Variants in MFAP4 observed in about 807,000 individuals in gnomAD.
The protein encoded by MFAP4 is microfibril-associated glycoprotein 4.
MFAP4 carries 20 observed loss-of-function variants against 32.4 expected under a neutral mutation model. That is an observed-to-expected ratio of 0.62 (90% confidence interval 0.43 to 0.90). The LOEUF is 0.90. Among genes scored for constraint, MFAP4 ranks in the 40% least tolerant of loss-of-function variants. The pLI, the probability that MFAP4 is intolerant of heterozygous loss-of-function variation, is 0.00. For synonymous variants in MFAP4, 146 were observed against 137.4 expected, an observed-to-expected ratio of 1.06 and a Z score of -0.44; for missense variants, 267 against 329.5, an observed-to-expected ratio of 0.81 and a Z score of 1.47.
chr17:19,386,996 C>CCCAAAA, intron 1 of MFAP4, 154 bp downstream of exon 1: 2 of 1,177,470 alleles, frequency 1.7e-6, no homozygotes, highest in Admixed American at 2.2e-5. Flanking sequence ...CCCCGCCCGC[C>CCCAAAA]AAGTAACCCC....
In MFAP4 at chr17:19,384,089, G is replaced by C. The variant is rs1217032376; in HGVS notation, c.*373C>G. On this transcript the variant is annotated 3_prime_UTR_variant, in exon 6 of 6. Coordinates refer to ENST00000299610, the MANE Select transcript of MFAP4 (RefSeq NM_002404.3). ...TGGCCCAGACAGGGGTCCACAGTGA[G>C]GAAGCAGGACAAGATGGACCACAAA... 1 of 307,528 alleles carries C rather than the reference G, an allele frequency of 3.3e-6. No homozygotes were observed. The highest frequency in any genetic ancestry group is 4.4e-5 in the Admixed American group (1 of 22,514). The allele number at this position is 307,528 out of a possible 1,614,324, so 19.0% of individuals were successfully genotyped here. A position where few individuals can be genotyped will look rare whatever the true frequency, so the allele number is the denominator to read the frequency against.
rs771247712 is a variant in MFAP4, at chr17:19,386,855, A to G, written c.7-17T>C. ...CAGGAGTGCCTGGCGATGGGCAGAC[A>G]GGGTCAGCACAGCCCCTTCCCAGCT... is the stretch of plus-strand genomic sequence containing the variant. On this transcript the variant is annotated splice_polypyrimidine_tract_variant and intron_variant, in intron 1 of 5. Coordinates refer to ENST00000299610, the MANE Select transcript of MFAP4 (RefSeq NM_002404.3). The G allele has an allele frequency of 2.2e-5, 34 of 1,554,340 alleles. No homozygotes were observed. In the African/African-American group the frequency reaches 2.5e-4, roughly 11 times the overall value.
At chr17:19,386,975 C>T (rs1913062834) in intron 1 of MFAP4, 137 bp from the exon 2 acceptor site, 8 of 871,538 alleles carry the variant, frequency 9.2e-6, no homozygotes, top group African/African-American at 3.4e-5. Flanking sequence ...CCCCTCTTCC[C>T]TGCCCCCCCA....
chr17:19,385,575 TG>T, intron 3 of MFAP4, 121 bp from the exon 4 acceptor site: 2 of 467,222 alleles, frequency 4.3e-6, no homozygotes, highest in Non-Finnish European at 8.2e-6. Context: ...AGGACTGGGT[TG>T]GGGGTGGGGA....
At position 19,384,376 on chromosome 17, in the gene MFAP4, GAAGCA is replaced by G. The variant is rs1912942227; in HGVS notation, c.*81_*85del. 6.9e-7 allele frequency: 1 copy of G among 1,454,208 alleles called. No homozygotes were observed. The highest frequency in any genetic ancestry group is 9.3e-7 in the Non-Finnish European group (1 of 1,081,030). The allele number at this position is 1,454,208 out of a possible 1,614,324, so 90.1% of individuals were successfully genotyped here. ...AGGAGTTGGTGCTCGGGAATCAGCA[GAAGCA>G]TGCATCAGGGGCAGCAGAGGGAGCA... is the stretch of plus-strand genomic sequence containing the variant. On this transcript the variant is annotated 3_prime_UTR_variant, in exon 6 of 6. Transcript: ENST00000299610.
At position 19,386,790 on chromosome 17, in the gene MFAP4, C is replaced by T; in HGVS notation, c.55G>A (p.Ala19Thr). ...LLLLLSTPPC[A>T]PQVSGIRGDA... ...CCTCGGATCCCGGAGACCTGGGGGGCACACGGGGGCGTGGAGAGAAGCAGC... is the reference window on the plus strand; with the variant it reads ...CCTCGGATCCCGGAGACCTGGGGGGTACACGGGGGCGTGGAGAGAAGCAGC... The change falls in exon 2 of 6, where the codon GCC becomes ACC. Residue 19 changes from alanine to threonine, a missense_variant. Ala to Thr is a moderately conservative substitution (Grantham distance 58). Transcript: ENST00000299610. 1.3e-6 allele frequency: 2 copies of T among 1,577,518 alleles called. No individual in the cohort carries two copies. The highest frequency in any genetic ancestry group is 2.3e-5 in the East Asian group (1 of 42,962).
At chr17:19,384,823 TG>T in intron 5 of MFAP4, 114 bp from the exon 6 acceptor site, 1 of 1,412,054 alleles carries the variant, frequency 7.1e-7, no homozygotes, top group Non-Finnish European at 9.8e-7. Context: ...CCTGGCGGGA[TG>T]GGGGCACCCT....
At position 19,385,483 on chromosome 17, in the gene MFAP4, T is replaced by A. The variant is rs769967815; in HGVS notation, c.241-29A>T. On this transcript the variant is annotated intron_variant, in intron 3 of 5. Coordinates refer to ENST00000299610, the MANE Select transcript of MFAP4 (RefSeq NM_002404.3). The stretch of plus-strand genomic sequence containing the variant: ...GAGCAGAGAAGATGAGACTGGATCA[T>A]CAAGGGTCCAATGGGCAAGGTTCTG... 44 of 1,604,720 alleles carry A rather than the reference T, an allele frequency of 2.7e-5. No homozygotes were observed. The Admixed American group carries it at 7.2e-4, about 26-fold the overall frequency.
chr17:19,386,444 G>A lies in MFAP4; in HGVS notation c.106C>T (p.Gln36Ter). 6.2e-7 allele frequency: 1 copy of A among 1,613,438 alleles called. No homozygotes were observed. Among genetic ancestry groups the A allele is most frequent in the Non-Finnish European group, 8.5e-7 (1 of 1,179,720 alleles). Residue 36 changes from glutamine to a stop codon, truncating the protein, a stop_gained, in exon 3 of 6, where the codon CAG becomes TAG. Transcript: ENST00000299610. LOFTEE classifies it high-confidence loss of function. ...RGDALERFCL[Q>*]QPLDCDDIYA... ...ATGTCGTCACAGTCCAGGGGTTGCTGAAGGCAAAACCTCTCCAGAGCTGGG... is the reference window on the plus strand; with the variant it reads ...ATGTCGTCACAGTCCAGGGGTTGCTAAAGGCAAAACCTCTCCAGAGCTGGG...
chr17:19,387,179 C>G lies in MFAP4; in HGVS notation c.-24G>C. On this transcript the variant is annotated 5_prime_UTR_variant, in exon 1 of 6. Coordinates refer to ENST00000299610, the MANE Select transcript of MFAP4 (RefSeq NM_002404.3). ...ATGCTGTCAGTTCTGCTCAGAGTGG[C>G]TGGGTGTCTGCGGCCCCAGACTGCA... 2 of 1,549,558 alleles carry G rather than the reference C, an allele frequency of 1.3e-6. No homozygotes were observed. Among genetic ancestry groups the G allele is most frequent in the Non-Finnish European group, 1.8e-6 (2 of 1,123,248 alleles).
At chr17:19,386,972 T>TGCCGGGGCCCCCCCCCCCCCCC in intron 1 of MFAP4, 134 bp from the exon 2 acceptor site, 1 of 937,012 alleles carries the variant, frequency 1.1e-6, no homozygotes, top group Non-Finnish European at 1.7e-6. Flanking sequence ...TGGCCCCTCT[T>TGCCGGGGCCCCCCCCCCCCCCC]CCCTGCCCCC....
rs1162500947 is a variant in MFAP4 at position 19,384,472 on chromosome 17, C to T, written c.758G>A (p.Arg253His). The T allele has an allele frequency of 7.6e-6, 12 of 1,576,844 alleles. No homozygotes were observed. Among genetic ancestry groups the T allele is most frequent in the East Asian group, 2.4e-5 (1 of 42,522 alleles). ...YSLKRTEMKI[R>H]RA ...GAGGGGGCCAGCCCTTCAGGCCCGG[C>T]GGATTTTCATCTCAGTGCGTTTGAG... Residue 253 changes from arginine to histidine, a missense_variant, in exon 6 of 6, where the codon CGC (arginine) becomes CAC (histidine). Arg to His is a conservative substitution (Grantham distance 29). This residue lies in a region of MFAP4 where 19 missense variants were observed against 18.7 expected (regional missense o/e 1.02). Transcript: ENST00000299610.
intron 2 of MFAP4, 115 bp from the exon 3 acceptor site, chr17:19,386,579 C>T: frequency 1.5e-6 from 2 of 1,323,948 alleles, no homozygotes; most frequent in East Asian, 2.4e-5. Flanking sequence ...CACAAGGAGT[C>T]ATGGAAGATT....
rs1164531137 is a variant in MFAP4, at chr17:19,385,045, A to G, written c.520+54T>C. 3.2e-6 allele frequency: 5 copies of G among 1,563,980 alleles called. No individual in the cohort carries two copies. The African/African-American group carries it at 4.1e-5, about 13-fold the overall frequency. ...AGGTTGGGGCTGACTGGGCAGGGCC[A>G]GCCCTGCCTTCTTTCCCCTCACAGC... On this transcript the variant is annotated intron_variant, in intron 5 of 5. Transcript: ENST00000299610.
chr17:19,386,977 G>GGGCCCC, intron 1 of MFAP4, 139 bp from the exon 2 acceptor site: 8 of 689,436 alleles, frequency 1.2e-5, no homozygotes, highest in Non-Finnish European at 1.9e-5. Context: ...CCTCTTCCCT[G>GGGCCCC]CCCCCCCACC....
At chr17:19,386,549 C>T in intron 2 of MFAP4, 85 bp from the exon 3 acceptor site, 12 of 1,469,298 alleles carry the variant, frequency 8.2e-6, no homozygotes, top group Non-Finnish European at 1.1e-5. Flanking sequence ...GCCTCAGTCC[C>T]TGGGGCTGGG....
At chr17:19,386,096 T>G (rs1391468402) in intron 3 of MFAP4, among the ~76,000 whole-genome samples, 1 of 152,240 alleles carries the variant, frequency 6.6e-6, no homozygotes, top group African/African-American at 2.4e-5. Flanking sequence ...CACTCAAGCC[T>G]GGATGACAGA....
intron 1 of MFAP4, 155 bp from the exon 2 acceptor site, chr17:19,386,993 C>T (rs765055836): frequency 1.3e-5 from 15 of 1,119,032 alleles, no homozygotes; most frequent in Admixed American, 4.5e-5. Flanking sequence ...CCACCCCGCC[C>T]GCCAAGTAAC....
Position 19,385,463 on chromosome 17 carries a change from GAGA to G in MFAP4, c.241-12_241-10del. 6.2e-7 allele frequency: 1 copy of G among 1,613,748 alleles called. No individual in the cohort carries two copies. Among genetic ancestry groups the G allele is most frequent in the Non-Finnish European group, 8.5e-7 (1 of 1,179,620 alleles). On this transcript the variant is annotated splice_polypyrimidine_tract_variant and intron_variant, in intron 3 of 5. Transcript: ENST00000299610. ...AATCTCTTCTGGAAAACCTGGAGCA[GAGA>G]AGATGAGACTGGATCATCAAGGGTC...
Sources: allele counts gnomAD v4.1 joint callset (sites outside exome capture counted in the v4.1 genomes callset), GRCh38; gene constraint gnomAD v4.1.1; regional missense constraint gnomAD v4.1.1; transcripts MANE v1.5; gene names NCBI Gene and HGNC (gene_info 2026-07-23, HGNC 2026-07-21).